Variants in CSMD1 observed in about 807,000 individuals in gnomAD.
CSMD1 encodes CUB and sushi domain-containing protein 1.
Under a neutral mutation model 417.5 loss-of-function variants are expected in CSMD1, and 213 were observed. The observed-to-expected ratio is 0.51, with a 90% CI of 0.46 to 0.57. CSMD1 has a LOEUF of 0.57. CSMD1 is among the 20% of genes least tolerant of loss of function. CSMD1 has a pLI of 0.00. For missense variants in CSMD1, 6,923 were observed against 4,529.7 expected, an observed-to-expected ratio of 1.53 and a Z score of -15.17; for synonymous variants, 2,862 against 1,736.8, an observed-to-expected ratio of 1.65 and a Z score of -16.11.
intron 1 of CSMD1, among the ~76,000 whole-genome samples, chr8:4,838,907 A>C (rs777161462): frequency 3.9e-5 from 6 of 152,228 alleles, no homozygotes; most frequent in Non-Finnish European, 7.3e-5. Context: ...TAAGCTCTAA[A>C]GGTTACATAA....
At chr8:4,697,848 T>G (rs1239186772) in intron 1 of CSMD1, among the ~76,000 whole-genome samples, 2 of 152,214 alleles carry the variant, frequency 1.3e-5, no homozygotes, top group Non-Finnish European at 2.9e-5. Flanking sequence ...ATTAGTAAAC[T>G]GCTTGATATT....
chr8:3,950,212 A>G (rs1000253766), intron 5 of CSMD1, among the ~76,000 whole-genome samples: 1 of 152,206 alleles, frequency 6.6e-6, no homozygotes, highest in African/African-American at 2.4e-5. Context: ...CTGACTGTGA[A>G]GTTTCTCATC....
chr8:3,088,789 G>C (rs1267337275), intron 48 of CSMD1, among the ~76,000 whole-genome samples: 1 of 136,422 alleles, frequency 7.3e-6, no homozygotes, highest in Non-Finnish European at 1.5e-5. Flanking sequence ...TTTAGACAAA[G>C]TATGAGTACA....
chr8:3,072,581 T>A (rs1252404945), intron 49 of CSMD1, among the ~76,000 whole-genome samples: 1 of 152,200 alleles, frequency 6.6e-6, no homozygotes, highest in Non-Finnish European at 1.5e-5. Context: ...TGTGCCTGGG[T>A]TTCCAGCCCA....
intron 37 of CSMD1, among the ~76,000 whole-genome samples, chr8:3,178,009 G>A (rs1453245182): frequency 6.6e-6 from 1 of 152,160 alleles, no homozygotes; most frequent in African/African-American, 2.4e-5. Context: ...AATGGCTATA[G>A]AATATATTAA....
intron 7 of CSMD1, among the ~76,000 whole-genome samples, chr8:3,617,624 G>C (rs7840873): frequency 0.13 from 19,953 of 152,084 alleles, 1,764 homozygotes; most frequent in African/African-American, 0.25. Flanking sequence ...TCTGTGTCCA[G>C]GTTTCAAATG....
At chr8:3,798,624 G>T (rs1307200486) in intron 5 of CSMD1, among the ~76,000 whole-genome samples, 4 of 152,054 alleles carry the variant, frequency 2.6e-5, no homozygotes, top group Middle Eastern at 3.2e-3. Flanking sequence ...CATGAAGCCA[G>T]TACTCATGCT....
chr8:4,254,983 C>T (rs965112203), intron 3 of CSMD1, among the ~76,000 whole-genome samples: 4 of 152,214 alleles, frequency 2.6e-5, no homozygotes, highest in African/African-American at 9.7e-5. Flanking sequence ...TAACAGAGCA[C>T]TAAATCCAGA....
At chr8:3,565,669 C>G (rs1467117538) in intron 10 of CSMD1, among the ~76,000 whole-genome samples, 1 of 152,182 alleles carries the variant, frequency 6.6e-6, no homozygotes. Flanking sequence ...TAAAACAGAT[C>G]TGATAAACAT....
At chr8:4,546,627 G>T (rs938155849) in intron 2 of CSMD1, among the ~76,000 whole-genome samples, 1 of 152,104 alleles carries the variant, frequency 6.6e-6, no homozygotes, top group Non-Finnish European at 1.5e-5. Flanking sequence ...CTTGCTCTCA[G>T]GACTTTGGCC....
At chr8:3,593,556 G>C (rs183381913) in intron 8 of CSMD1, among the ~76,000 whole-genome samples, 3 of 152,202 alleles carry the variant, frequency 2.0e-5, no homozygotes, top group Non-Finnish European at 4.4e-5. Flanking sequence ...AGAGTGAAGG[G>C]ATGTCCAGAT....
chr8:4,598,938 T>C (rs1800425843), intron 2 of CSMD1, among the ~76,000 whole-genome samples: 1 of 152,176 alleles, frequency 6.6e-6, no homozygotes, highest in South Asian at 2.1e-4. Context: ...TAATTTCAGT[T>C]GTTTCTAAAT....
chr8:3,377,715 A>G (rs1810398110), intron 18 of CSMD1, among the ~76,000 whole-genome samples: 1 of 152,288 alleles, frequency 6.6e-6, no homozygotes, highest in South Asian at 2.1e-4. Flanking sequence ...GCCTGTTCAC[A>G]TGCTGGCTAC....
chr8:4,676,397 C>A (rs1805684313), intron 1 of CSMD1, among the ~76,000 whole-genome samples: 1 of 152,152 alleles, frequency 6.6e-6, no homozygotes, highest in African/African-American at 2.4e-5. Context: ...CTTTGACTTC[C>A]CCATCCACCC....
rs547368790 is a variant in CSMD1, at chr8:4,933,767, A to T, written c.85+60565T>A. Among the ~76,000 whole-genome samples the T allele has an allele frequency of 2.0e-5, 3 of 152,246 alleles. No homozygotes were observed. In the South Asian group the frequency reaches 6.2e-4, roughly 32 times the overall value. On this transcript the variant is annotated intron_variant, in intron 1 of 69. Transcript: ENST00000635120. ...CTAACTTATAACTACAACTATCCTT[A>T]TTGCTTTCTTCCTCTCTTCCTTCTA...
At chr8:4,262,397 A>T (rs1006090225) in intron 3 of CSMD1, among the ~76,000 whole-genome samples, 36 of 152,312 alleles carry the variant, frequency 2.4e-4, no homozygotes, top group African/African-American at 8.2e-4. Context: ...AAACCAGAAT[A>T]AAGGCAGGTT....
chr8:4,635,844 G>A (rs904646991), intron 2 of CSMD1, among the ~76,000 whole-genome samples: 1 of 151,984 alleles, frequency 6.6e-6, no homozygotes, highest in Non-Finnish European at 1.5e-5. Flanking sequence ...GTAATAAAAG[G>A]ACAGAGGAAA....
intron 1 of CSMD1, among the ~76,000 whole-genome samples, chr8:4,663,237 G>A (rs1407298558): frequency 6.6e-6 from 1 of 152,176 alleles, no homozygotes; most frequent in Non-Finnish European, 1.5e-5. Context: ...GATTTTTACT[G>A]CTGACTTTTC....
At chr8:4,528,479 G>C (rs1244538482) in intron 2 of CSMD1, among the ~76,000 whole-genome samples, 4 of 152,200 alleles carry the variant, frequency 2.6e-5, no homozygotes, top group African/African-American at 9.6e-5. Context: ...AATCATGTAA[G>C]ACTTAGAGGT....
Sources: allele counts gnomAD v4.1 joint callset (sites outside exome capture counted in the v4.1 genomes callset), GRCh38; gene constraint gnomAD v4.1.1; transcripts MANE v1.5; gene names NCBI Gene and HGNC (gene_info 2026-07-23, HGNC 2026-07-21).